The following XKRX variants were observed in gnomAD, a reference collection of about 807,000 sequenced individuals.
XKRX encodes XK related X-linked, also known as XK-related protein 2.
In XKRX, 11 loss-of-function variants were observed where a neutral mutation model predicts 22.4. That is an observed-to-expected ratio of 0.49 (90% CI 0.31 to 0.81). The LOEUF (loss-of-function observed/expected upper bound fraction) is 0.81, where lower values mean the gene tolerates loss of function less well. Among genes scored for constraint, XKRX ranks in the 40% least tolerant of loss-of-function variants. The pLI is 0.05. For missense variants in XKRX, 320 were observed against 336.5 expected (o/e 0.95, Z 0.38); for synonymous variants, 114 against 132.2 (o/e 0.86, Z 0.94).
downstream of XKRX, chrX:100,913,414 ACAC>A (rs1235121554): frequency 9.2e-6 from 1 of 109,275 alleles, no homozygotes; most frequent in Admixed American, 9.9e-5. Flanking sequence ...ACACACACAC[ACAC>A]ATTAATGAAA....
At chrX:100,951,550 C>A in the XKRX span, among the ~76,000 whole-genome samples, 1 of 110,643 alleles carries the variant, frequency 9.0e-6, no homozygotes, top group Non-Finnish European at 1.9e-5. Flanking sequence ...GCAAGGCAAA[C>A]AGAAGAAAGG....
intron 1 of XKRX, among the ~76,000 whole-genome samples, chrX:100,927,649 A>T (rs994719604): frequency 1.8e-5 from 2 of 110,946 alleles, no homozygotes; most frequent in Non-Finnish European, 3.8e-5. Context: ...AGAAAAAAAA[A>T]ATTTTTTAAA....
At chrX:100,935,844 A>C in the XKRX span, among the ~76,000 whole-genome samples, 1 of 112,169 alleles carries the variant, frequency 8.9e-6, no homozygotes, top group Non-Finnish European at 1.9e-5. Context: ...CTGAGTTAAC[A>C]CTGATGGCAG....
rs185561063 is a variant in XKRX at position 100,917,337 on chromosome X, G to A, written c.605-2254C>T. Among the ~76,000 whole-genome samples, 22 of 109,137 alleles carry A rather than the reference G, an allele frequency of 2.0e-4. No homozygotes were observed. In the East Asian group the frequency reaches 2.6e-3, roughly 13 times the overall value. The allele number at this position is 109,137 out of a possible 115,157, so 94.8% of individuals were successfully genotyped here. A position where few individuals can be genotyped will look rare whatever the true frequency, so the allele number is the denominator to read the frequency against. On this transcript the variant is annotated intron_variant, in intron 2 of 2. Coordinates refer to ENST00000372956, the MANE Select transcript of XKRX (RefSeq NM_212559.3). Reference sequence around the variant, plus strand: ...TAATTAGAAATCCTTGGTTCCAGCCGTGCACACGGTGGCTCACACCTGTAA... The same window carrying A: ...TAATTAGAAATCCTTGGTTCCAGCCATGCACACGGTGGCTCACACCTGTAA...
At chrX:100,934,987 C>CAG in the XKRX span, among the ~76,000 whole-genome samples, 1 of 107,380 alleles carries the variant, frequency 9.3e-6, no homozygotes, top group African/African-American at 3.3e-5. Context: ...CAGAGAGAGA[C>CAG]AGAGAGAGAC....
At chrX:100,888,510 C>T in the XKRX span, 7 of 761,292 alleles carry the variant, frequency 9.2e-6, no homozygotes, top group Admixed American at 2.4e-5. Flanking sequence ...CTCAGGCTCT[C>T]GTCGGTTGTT....
chrX:100,903,072 A>C, the XKRX span, among the ~76,000 whole-genome samples: 4 of 110,180 alleles, frequency 3.6e-5, no homozygotes, highest in African/African-American at 1.3e-4. Context: ...TAAAAAAAAA[A>C]ACAAAAAACC....
intron 1 of XKRX, among the ~76,000 whole-genome samples, chrX:100,924,906 T>G (rs773550368): frequency 1.8e-5 from 2 of 111,612 alleles, no homozygotes; most frequent in Non-Finnish European, 3.8e-5. Flanking sequence ...TTGGAACATA[T>G]GCTGGCTGCC....
At chrX:100,954,676 A>G in the XKRX span, among the ~76,000 whole-genome samples, 137 of 112,543 alleles carry the variant, frequency 1.2e-3, no homozygotes, top group African/African-American at 4.0e-3. Flanking sequence ...ATGTCCATCA[A>G]CTAATAAATG....
At chrX:100,927,836 A>T (rs759823186) in intron 1 of XKRX, 134 bp downstream of exon 1, 1 of 813,525 alleles carries the variant, frequency 1.2e-6, no homozygotes, top group Non-Finnish European at 1.7e-6. Flanking sequence ...AATGGTAGAC[A>T]GGGAAGCCGA....
intron 2 of XKRX, among the ~76,000 whole-genome samples, chrX:100,921,971 C>T (rs781661125): frequency 2.0e-3 from 217 of 107,208 alleles, no homozygotes; most frequent in African/African-American, 7.1e-3. Flanking sequence ...GTAGCTAGGA[C>T]TACAGGCGCC....
rs770293880 is a variant in XKRX at position 100,914,720 on chromosome X, T to C, written c.968A>G (p.Asn323Ser). Residue 323 changes from asparagine (N) to serine (S), a missense_variant, in exon 3 of 3, where the codon AAC (asparagine) becomes AGC (serine). Asn to Ser is a conservative substitution (Grantham distance 46). Transcript: ENST00000372956. Reference protein sequence around the residue: ...ISVTILYAGINFSCWSALQLR... With the variant: ...ISVTILYAGISFSCWSALQLR... ...CTGCAAAGCTGACCAGCAAGAGAAG[T>C]TGATGCCAGCATAGAGGATGGTGAC... 4.1e-6 allele frequency: 5 copies of C among 1,209,983 alleles called. No individual in the cohort carries two copies. In the African/African-American group the frequency reaches 5.3e-5, roughly 13 times the overall value.
chrX:100,928,649 A>C lies in XKRX; in HGVS notation c.-345T>G. 1 of 818,278 alleles carries C rather than the reference A, an allele frequency of 1.2e-6. No homozygotes were observed. Among genetic ancestry groups the C allele is most frequent in the Non-Finnish European group, 1.5e-6 (1 of 681,640 alleles). 67.4% of individuals were successfully genotyped at this position (818,278 alleles called of 1,213,427 possible). A position where few individuals can be genotyped will look rare whatever the true frequency, so the allele number is the denominator to read the frequency against. On this transcript the variant is annotated 5_prime_UTR_variant, in exon 1 of 3. Transcript: ENST00000372956. ...AACTCCAGGGACGTGAAGAGTCATGAGAACAGCGGCTTCCGTGGCGGCTCC... is the reference window on the plus strand; with the variant it reads ...AACTCCAGGGACGTGAAGAGTCATGCGAACAGCGGCTTCCGTGGCGGCTCC...
chrX:100,905,273 T>C, the XKRX span, among the ~76,000 whole-genome samples: 1 of 111,689 alleles, frequency 9.0e-6, no homozygotes, highest in Non-Finnish European at 1.9e-5. Flanking sequence ...ATATTAATGA[T>C]CCAAGATGGC....
chrX:100,940,514 C>T, the XKRX span, among the ~76,000 whole-genome samples: 1 of 111,571 alleles, frequency 9.0e-6, no homozygotes. Flanking sequence ...AACTGGTTTC[C>T]TTACTCTAGT....
At chrX:100,920,887 GT>G (rs1422391660) in intron 2 of XKRX, among the ~76,000 whole-genome samples, 1 of 110,751 alleles carries the variant, frequency 9.0e-6, no homozygotes, top group Non-Finnish European at 1.9e-5. Context: ...AGCCTCCCAA[GT>G]AGCTGGGATT....
chrX:100,888,405 C>G, the XKRX span: 2 of 899,700 alleles, frequency 2.2e-6, no homozygotes, highest in South Asian at 4.0e-5. Flanking sequence ...TCCACAGTGG[C>G]GTATGTAACA....
the XKRX span, among the ~76,000 whole-genome samples, chrX:100,949,554 C>T: frequency 1.8e-5 from 2 of 109,541 alleles, no homozygotes; most frequent in Non-Finnish European, 3.8e-5. Flanking sequence ...TTTAGTAGGA[C>T]GGGGTTTCAC....
chrX:100,909,857 C>T (rs1359682262), downstream of XKRX, among the ~76,000 whole-genome samples: 3 of 87,725 alleles, frequency 3.4e-5, no homozygotes, highest in Admixed American at 1.5e-4. Context: ...GAGCCGAAAT[C>T]GCACCACTGC....
Sources: gnomAD v4.1 joint callset for allele counts (sites outside exome capture counted in the v4.1 genomes callset) on GRCh38, gnomAD v4.1.1 for gene constraint, MANE v1.5 for transcripts, NCBI Gene and HGNC (gene_info 2026-07-23, HGNC 2026-07-21) for gene names.